Variants in DMD observed in about 807,000 individuals in gnomAD.
DMD encodes the protein mutant dystrophin.
A neutral mutation model predicts 330.1 loss-of-function variants in DMD; 63 were observed. The observed-to-expected ratio is 0.19, with a 90% CI of 0.16 to 0.24. The LOEUF is 0.24. Ranked by LOEUF, DMD falls within the 10% of genes least tolerant of loss-of-function variation. The probability of loss-of-function intolerance (pLI) is 1.00; values close to 1 mark genes in which losing one functional copy is unlikely to be tolerated. For missense variants in DMD, 3,344 were observed against 2,684.1 expected (o/e 1.25, Z -5.43); for synonymous variants, 1,223 against 959.8 (o/e 1.27, Z -5.07).
intron 63 of DMD, among the ~76,000 whole-genome samples, chrX:31,254,544 A>G (rs2049729785): frequency 9.1e-6 from 1 of 110,032 alleles, no homozygotes; most frequent in South Asian, 4.0e-4. Flanking sequence ...TTTTGTAGAG[A>G]TGGGGAGACG....
chrX:31,295,606 G>A (rs1425622961), intron 62 of DMD, among the ~76,000 whole-genome samples: 1 of 111,100 alleles, frequency 9.0e-6, no homozygotes, highest in Non-Finnish European at 1.9e-5. Context: ...GTAGAGATGG[G>A]GTTTCACCAT....
intron 51 of DMD, among the ~76,000 whole-genome samples, chrX:31,773,744 T>G (rs1673258268): frequency 2.0e-5 from 2 of 101,950 alleles, no homozygotes; most frequent in East Asian, 3.1e-4. Flanking sequence ...TTTTTTTTTT[T>G]GTATATTTCC....
At chrX:32,503,584 C>T (rs1291382986) in intron 18 of DMD, among the ~76,000 whole-genome samples, 2 of 111,317 alleles carry the variant, frequency 1.8e-5, no homozygotes, top group Non-Finnish European at 3.8e-5. Flanking sequence ...GAGACAGAGT[C>T]TCACTCTGTC....
intron 1 of DMD, among the ~76,000 whole-genome samples, chrX:33,058,205 T>C (rs1347366272): frequency 4.5e-5 from 5 of 111,887 alleles, no homozygotes; most frequent in Non-Finnish European, 9.4e-5. Flanking sequence ...ATTCTAATTC[T>C]GAGGGACACA....
intron 18 of DMD, among the ~76,000 whole-genome samples, chrX:32,515,383 T>G (rs1429325425): frequency 1.8e-5 from 2 of 110,564 alleles, no homozygotes. Context: ...CAGCGGGAGT[T>G]GGTAAAAAGT....
chrX:32,614,930 T>G (rs2057442147), intron 11 of DMD, among the ~76,000 whole-genome samples: 1 of 110,399 alleles, frequency 9.1e-6, no homozygotes, highest in South Asian at 3.9e-4. Flanking sequence ...CAATTCCAAG[T>G]GTAGGCTATA....
chrX:32,640,843 T>G (rs1185381315), intron 11 of DMD, among the ~76,000 whole-genome samples: 1 of 111,091 alleles, frequency 9.0e-6, no homozygotes, highest in African/African-American at 3.3e-5. Context: ...GATGGCTTTG[T>G]CTTGCACTTA....
At chrX:33,236,274 C>G (rs776966332) in intron 1 of DMD, among the ~76,000 whole-genome samples, 1 of 86,555 alleles carries the variant, frequency 1.2e-5, no homozygotes, top group African/African-American at 4.2e-5. Context: ...TTTTTTTTTT[C>G]TTTTTTTTTG....
chrX:32,499,564 C>A (rs930940295), intron 19 of DMD, among the ~76,000 whole-genome samples: 1 of 111,574 alleles, frequency 9.0e-6, no homozygotes, highest in Non-Finnish European at 1.9e-5. Context: ...ACAAAAAGGG[C>A]AAGAATGTAT....
chrX:32,434,880 A>G (rs1420676731), intron 29 of DMD, among the ~76,000 whole-genome samples: 2 of 111,567 alleles, frequency 1.8e-5, no homozygotes, highest in Admixed American at 9.6e-5. Flanking sequence ...TATGTTTAAC[A>G]TGATGTGGTT....
intron 1 of DMD, among the ~76,000 whole-genome samples, chrX:33,315,682 T>G (rs766673528): frequency 4.5e-5 from 5 of 112,239 alleles, no homozygotes; most frequent in Non-Finnish European, 9.4e-5. Flanking sequence ...TAATCATGAG[T>G]GTAACTGCTT....
intron 1 of DMD, among the ~76,000 whole-genome samples, chrX:33,269,779 T>C (rs1227750886): frequency 9.0e-6 from 1 of 110,892 alleles, no homozygotes; most frequent in Non-Finnish European, 1.9e-5. Context: ...ATCAAGAGTC[T>C]GATGGGGTCT....
At chrX:32,544,892 C>G (rs1184289666) in intron 17 of DMD, among the ~76,000 whole-genome samples, 1 of 110,390 alleles carries the variant, frequency 9.1e-6, no homozygotes, top group Non-Finnish European at 1.9e-5. Context: ...TAAAATGCTA[C>G]CACAGTAGTT....
At chrX:32,433,368 A>G (rs1253066423) in intron 29 of DMD, among the ~76,000 whole-genome samples, 1 of 111,907 alleles carries the variant, frequency 8.9e-6, no homozygotes, top group Non-Finnish European at 1.9e-5. Flanking sequence ...CAATTTCTGT[A>G]GAATGGGAAT....
At chrX:31,875,402 A>G in intron 47 of DMD, 29 bp from the exon 48 acceptor site, 1 of 1,133,197 alleles carries the variant, frequency 8.8e-7, no homozygotes, top group South Asian at 1.9e-5. Context: ...TTAAAAAGGT[A>G]AATAATTCTC....
At chrX:31,505,188 C>T (rs893999877) in intron 56 of DMD, among the ~76,000 whole-genome samples, 4 of 111,360 alleles carry the variant, frequency 3.6e-5, no homozygotes, top group Admixed American at 2.9e-4. Context: ...TTTTTAATGA[C>T]GAAGGTTATC....
intron 9 of DMD, among the ~76,000 whole-genome samples, chrX:32,669,315 ATCC>A: frequency 9.0e-6 from 1 of 110,950 alleles, no homozygotes; most frequent in Non-Finnish European, 1.9e-5. Flanking sequence ...CCCTACCTGC[ATCC>A]TCCTCAATTC....
intron 60 of DMD, among the ~76,000 whole-genome samples, chrX:31,437,983 T>G (rs936865559): frequency 5.4e-5 from 6 of 110,520 alleles, no homozygotes; most frequent in African/African-American, 2.0e-4. Context: ...CATATGTAGC[T>G]ATCATATTGG....
chrX:31,863,036 A>G (rs1433420189), intron 48 of DMD, among the ~76,000 whole-genome samples: 2 of 112,925 alleles, frequency 1.8e-5, no homozygotes, highest in Non-Finnish European at 3.7e-5. Context: ...GCCCGCACCC[A>G]GGCGCTCATT....
Sources: gnomAD v4.1 joint callset for allele counts (sites outside exome capture counted in the v4.1 genomes callset) on GRCh38, gnomAD v4.1.1 for gene constraint, MANE v1.5 for transcripts, NCBI Gene and HGNC (gene_info 2026-07-23, HGNC 2026-07-21) for gene names.